The following SRSF4 variants were observed in gnomAD, a reference collection of about 807,000 sequenced individuals.
The protein encoded by SRSF4 is serine and arginine rich splicing factor 4.
A neutral mutation model predicts 48.8 loss-of-function variants in SRSF4; 12 were observed. The observed-to-expected ratio is 0.25, with a 90% confidence interval of 0.16 to 0.40. The LOEUF (loss-of-function observed/expected upper bound fraction) is 0.40, where lower values mean the gene tolerates loss of function less well. Among genes scored for constraint, SRSF4 ranks in the 10% least tolerant of loss-of-function variants. The probability of loss-of-function intolerance (pLI) is 1.00; values close to 1 mark genes in which losing one functional copy is unlikely to be tolerated. For synonymous variants in SRSF4, 248 were observed against 232.5 expected (o/e 1.07, Z -0.61); for missense variants, 466 against 667.1 (o/e 0.70, Z 3.32).
intron 1 of SRSF4, among the ~76,000 whole-genome samples, chr1:29,176,105 A>G (rs1558394161): frequency 6.6e-6 from 1 of 151,982 alleles, no homozygotes. Flanking sequence ...ACAAAAAATT[A>G]GCCGGGCGTG....
At chr1:29,168,859 G>C (rs1672703808) in intron 1 of SRSF4, 1 of 152,108 alleles carries the variant, frequency 6.6e-6, no homozygotes, top group South Asian at 2.1e-4. Flanking sequence ...ATGGTGACTT[G>C]AACCAAAAAA....
chr1:29,168,918 T>C (rs1180693610), intron 1 of SRSF4: 1 of 152,222 alleles, frequency 6.6e-6, no homozygotes, highest in Admixed American at 6.5e-5. Flanking sequence ...CAAAGAATAC[T>C]AGAAAGTTTA....
At chr1:29,168,177 G>A (rs1672695514) in intron 1 of SRSF4, among the ~76,000 whole-genome samples, 1 of 147,294 alleles carries the variant, frequency 6.8e-6, no homozygotes, top group Non-Finnish European at 1.5e-5. Context: ...ACCATGCCCG[G>A]CAAATTTTTT....
At chr1:29,155,012 G>A (rs778019882) in intron 3 of SRSF4, 102 bp from the exon 4 acceptor site, 25 of 1,051,070 alleles carry the variant, frequency 2.4e-5, no homozygotes, top group Non-Finnish European at 2.9e-5. Context: ...CCAGCATTCC[G>A]CAGAATAAAG....
At chr1:29,161,811 C>T (rs1672601675) in intron 1 of SRSF4, among the ~76,000 whole-genome samples, 2 of 152,208 alleles carry the variant, frequency 1.3e-5, no homozygotes, top group African/African-American at 4.8e-5. Flanking sequence ...GTTGGCCAAG[C>T]TGGTCTCAAA....
chr1:29,164,386 C>T (rs1326595489), intron 1 of SRSF4, among the ~76,000 whole-genome samples: 2 of 152,244 alleles, frequency 1.3e-5, no homozygotes, highest in Non-Finnish European at 2.9e-5. Flanking sequence ...AAGCTTAACA[C>T]TCCCTTTGTG....
Position 29,181,853 on chromosome 1 carries a change from G to A in SRSF4, c.-101C>T, listed in dbSNP as rs996463812. 3.9e-6 allele frequency: 4 copies of A among 1,019,348 alleles called. No homozygotes were observed. The highest frequency in any genetic ancestry group is 2.6e-6 in the Non-Finnish European group (2 of 766,830). 63.1% of individuals were successfully genotyped at this position (1,019,348 alleles called of 1,614,324 possible). A position where few individuals can be genotyped will look rare whatever the true frequency, so the allele number is the denominator to read the frequency against. On this transcript the variant is annotated 5_prime_UTR_variant, in exon 1 of 6. Coordinates refer to ENST00000373795, the MANE Select transcript of SRSF4 (RefSeq NM_005626.5). ...GCAGCGGCGGCGGCGGCAACGGGCG[G>A]GCGGCGGGACGGACGCAGCCGAACC...
At chr1:29,153,177 G>A (rs924423556) in intron 4 of SRSF4, among the ~76,000 whole-genome samples, 1 of 152,150 alleles carries the variant, frequency 6.6e-6, no homozygotes, top group African/African-American at 2.4e-5. Flanking sequence ...TGTCGCCCAG[G>A]CTGGAGTATA....
At chr1:29,173,129 GCTTTT>G (rs1672771336) in intron 1 of SRSF4, 2 of 129,012 alleles carry the variant, frequency 1.6e-5, no homozygotes, top group South Asian at 2.4e-4. Flanking sequence ...AGTCAAAAAG[GCTTTT>G]TTTTTTTTTT....
At position 29,160,511 on chromosome 1, in the gene SRSF4, A is replaced by G; in HGVS notation, c.114T>C (p.Gly38=). The G allele has an allele frequency of 6.2e-7, 1 of 1,610,420 alleles. No homozygotes were observed. Residue 38 remains glycine, a synonymous_variant, in exon 2 of 6, where the codon GGT becomes GGC. Coordinates refer to ENST00000373795, the MANE Select transcript of SRSF4 (RefSeq NM_005626.5). ...ILEVDLKNGY[G]FVEFDDLRDA... is the part of the protein sequence containing the mutation. Reference sequence around the variant, plus strand: ...CACGCAGATCATCAAACTCCACAAAACCATATCTAGAAGAGAGCAAAGAAA... The same window carrying G: ...CACGCAGATCATCAAACTCCACAAAGCCATATCTAGAAGAGAGCAAAGAAA...
Position 29,149,189 on chromosome 1 carries a change from T to A in SRSF4, c.706A>T (p.Ser236Cys). The change falls in exon 6 of 6, where the codon AGC becomes TGC. Residue 236 changes from serine (S) to cysteine (C), a missense_variant. Around this residue, in one of 2 missense-constraint regions of SRSF4, gnomAD observed 402 missense variants for 437.0 expected, o/e 0.92. Transcript: ENST00000373795. ...TTCTTGCTCCGGCTCCGACTCTGGC[T>A]CCGGCTCCGGCTCTTGCTCCGGGAG... ...SRSRSKSRSR[S>C]QSRSRSKKEK... is the part of the protein sequence containing the mutation. The A allele has an allele frequency of 6.2e-7, 1 of 1,609,366 alleles. No homozygotes were observed. Among genetic ancestry groups the A allele is most frequent in the South Asian group, 1.1e-5 (1 of 90,924 alleles).
chr1:29,180,641 G>A (rs1047835795), intron 1 of SRSF4, among the ~76,000 whole-genome samples: 7 of 152,128 alleles, frequency 4.6e-5, no homozygotes, highest in African/African-American at 1.7e-4. Context: ...AACACCCAAG[G>A]TTTAGTGCCC....
chr1:29,175,933 T>C (rs1043555745), intron 1 of SRSF4, among the ~76,000 whole-genome samples: 1 of 151,988 alleles, frequency 6.6e-6, no homozygotes. Flanking sequence ...TGGGATGCTA[T>C]TTCTGAGGCT....
intron 1 of SRSF4, among the ~76,000 whole-genome samples, chr1:29,176,630 G>C (rs1672859632): frequency 6.6e-6 from 1 of 151,754 alleles, no homozygotes; most frequent in Admixed American, 6.6e-5. Flanking sequence ...TAGGTGCTGG[G>C]GTTGGCAGTA....
At chr1:29,151,926 G>T (rs1049428161) in intron 4 of SRSF4, among the ~76,000 whole-genome samples, 4 of 152,188 alleles carry the variant, frequency 2.6e-5, no homozygotes, top group African/African-American at 9.7e-5. Flanking sequence ...GTATACAGGT[G>T]TTCATTAACT....
intron 3 of SRSF4, among the ~76,000 whole-genome samples, chr1:29,158,404 AGT>A (rs1208541246): frequency 1.3e-5 from 2 of 151,482 alleles, no homozygotes; most frequent in Non-Finnish European, 2.9e-5. Flanking sequence ...TTGACTGGTG[AGT>A]AGCTACACTG....
chr1:29,172,899 G>T (rs888807979), intron 1 of SRSF4: 25 of 152,016 alleles, frequency 1.6e-4, no homozygotes, highest in Admixed American at 1.3e-4. Context: ...GAATGGTTGG[G>T]TAAGTCATAA....
chr1:29,154,782 T>C lies in SRSF4; in HGVS notation c.492A>G (p.Glu164=). The C allele has an allele frequency of 6.2e-7, 1 of 1,614,190 alleles. No individual in the cohort carries two copies. Among genetic ancestry groups the C allele is most frequent in the Non-Finnish European group, 8.5e-7 (1 of 1,180,034 alleles). ...CTAATCTGATTTTTCTCCCATTGAC[T>C]TCAGTTCCATCCAACTTTTCCAAAG... ...KRALEKLDGT[E]VNGRKIRLVE... Residue 164 remains glutamate, a synonymous_variant, in exon 4 of 6, where the codon GAA becomes GAG. Transcript: ENST00000373795.
intron 4 of SRSF4, among the ~76,000 whole-genome samples, chr1:29,152,422 C>CT (rs1163151771): frequency 1.3e-5 from 2 of 152,072 alleles, no homozygotes; most frequent in Non-Finnish European, 2.9e-5. Context: ...GTCAAAAGAC[C>CT]TAAATAACAA....
Sources: allele counts gnomAD v4.1 joint callset (sites outside exome capture counted in the v4.1 genomes callset), GRCh38; gene constraint gnomAD v4.1.1; regional missense constraint gnomAD v4.1.1; transcripts MANE v1.5; gene names NCBI Gene and HGNC (gene_info 2026-07-23, HGNC 2026-07-21).